MYOCOS: variants seen among roughly 807,000 people sequenced by gnomAD.
The protein encoded by MYOCOS is myocilin opposite strand, also known as myocilin opposite strand protein.
intron 1 of MYOCOS, among the ~76,000 whole-genome samples, chr1:171,605,395 A>ACACAC (rs1553253249): frequency 2.3e-3 from 269 of 114,758 alleles, no homozygotes; most frequent in Non-Finnish European, 3.3e-3. Context: ...ACACACACAC[A>ACACAC]AAAAAAAAAA....
In MYOCOS at chr1:171,615,243, T is replaced by A. The variant is rs148133616; in HGVS notation, c.-44+238T>A. On this transcript the variant is annotated intron_variant, in intron 2 of 3. Coordinates refer to the MYOCOS transcript ENST00000636697. ...AGCAGGGGACCAGATAGGCTTAATC[T>A]ATGCCAAAGATAACGGTGAGTTGGA... Among the ~76,000 whole-genome samples, 9 of 152,306 alleles carry A rather than the reference T, an allele frequency of 5.9e-5. No individual in the cohort carries two copies. The East Asian group carries it at 1.7e-3, about 29-fold the overall frequency.
At chr1:171,606,937 C>A (rs911377686) in intron 1 of MYOCOS, among the ~76,000 whole-genome samples, 1 of 151,522 alleles carries the variant, frequency 6.6e-6, no homozygotes, top group Admixed American at 6.6e-5. Context: ...ACTAAAAATA[C>A]AAAAAAATAA....
At chr1:171,626,132 G>C (rs562804894) in intron 2 of MYOCOS, among the ~76,000 whole-genome samples, 2 of 152,256 alleles carry the variant, frequency 1.3e-5, no homozygotes, top group East Asian at 3.9e-4. Context: ...ACCCAAGCTA[G>C]CGTGCAGTGG....
upstream of MYOCOS, among the ~76,000 whole-genome samples, chr1:171,621,119 AT>A (rs998923278): frequency 2.0e-5 from 3 of 152,108 alleles, no homozygotes; most frequent in African/African-American, 7.2e-5. Context: ...CCTCTCTAAA[AT>A]GTATAAAACC....
chr1:171,611,952 C>T (rs1652357979), intron 1 of MYOCOS, among the ~76,000 whole-genome samples: 1 of 152,204 alleles, frequency 6.6e-6, no homozygotes, highest in Admixed American at 6.5e-5. Context: ...ATTACAATTA[C>T]AGCTACAACT....
At chr1:171,625,220 C>T (rs1652671250) in intron 2 of MYOCOS, among the ~76,000 whole-genome samples, 1 of 152,174 alleles carries the variant, frequency 6.6e-6, no homozygotes, top group African/African-American at 2.4e-5. Flanking sequence ...GGTCCCTGTG[C>T]TCTAATGTCC....
At chr1:171,623,538 A>G (rs1652615961) in intron 1 of MYOCOS, among the ~76,000 whole-genome samples, 1 of 152,180 alleles carries the variant, frequency 6.6e-6, no homozygotes, top group East Asian at 1.9e-4. Context: ...CTGTGCCTCC[A>G]TTCCCTCAGT....
At chr1:171,602,086 A>G (rs541027587) in intron 1 of MYOCOS, among the ~76,000 whole-genome samples, 15 of 152,304 alleles carry the variant, frequency 9.8e-5, no homozygotes, top group African/African-American at 2.4e-4. Flanking sequence ...TAAAGAGAAA[A>G]AAAAGGGGGG....
chr1:171,618,675 A>C (rs1652494514), upstream of MYOCOS, among the ~76,000 whole-genome samples: 1 of 152,198 alleles, frequency 6.6e-6, no homozygotes, highest in African/African-American at 2.4e-5. Context: ...TCCTGGGTTC[A>C]AGCAATTCTC....
chr1:171,624,392 C>T (rs559051643), intron 2 of MYOCOS, among the ~76,000 whole-genome samples: 1 of 152,008 alleles, frequency 6.6e-6, no homozygotes, highest in South Asian at 2.1e-4. Flanking sequence ...ACCTCAGCCT[C>T]CCAAGTAGCT....
At chr1:171,621,374 G>GGGT (rs1652565248), upstream of MYOCOS, among the ~76,000 whole-genome samples, 1 of 115,150 alleles carries the variant, frequency 8.7e-6, no homozygotes, top group Non-Finnish European at 1.7e-5. Context: ...TCTATGGTGG[G>GGGT]TTTTTTTTTT....
At chr1:171,607,908 C>T (rs894439530) in intron 1 of MYOCOS, among the ~76,000 whole-genome samples, 4 of 152,146 alleles carry the variant, frequency 2.6e-5, no homozygotes, top group African/African-American at 4.8e-5. Flanking sequence ...TTATTGGACT[C>T]GCAGTTCCAT....
At chr1:171,609,376 G>A (rs908265284) in intron 1 of MYOCOS, among the ~76,000 whole-genome samples, 2 of 152,198 alleles carry the variant, frequency 1.3e-5, no homozygotes, top group Admixed American at 6.5e-5. Flanking sequence ...CTCTTGACAA[G>A]ATAAGCTCAA....
At chr1:171,612,679 A>T (rs1161634667) in intron 1 of MYOCOS, among the ~76,000 whole-genome samples, 1 of 151,950 alleles carries the variant, frequency 6.6e-6, no homozygotes, top group Non-Finnish European at 1.5e-5. Flanking sequence ...TACAAAAAAA[A>T]ATTAGCCGGC....
intron 1 of MYOCOS, among the ~76,000 whole-genome samples, chr1:171,613,159 T>C (rs1399351594): frequency 2.0e-5 from 3 of 152,228 alleles, no homozygotes; most frequent in African/African-American, 7.2e-5. Context: ...CCTAGATCTC[T>C]GTGGGAAATC....
chr1:171,626,148 T>C (rs577195959), intron 2 of MYOCOS, among the ~76,000 whole-genome samples: 1 of 152,172 alleles, frequency 6.6e-6, no homozygotes, highest in Admixed American at 6.5e-5. Flanking sequence ...AGTGGTGCAA[T>C]CATAGCTCAC....
intron 2 of MYOCOS, among the ~76,000 whole-genome samples, chr1:171,616,108 T>C (rs540944679): frequency 1.3e-4 from 20 of 152,050 alleles, no homozygotes; most frequent in African/African-American, 4.3e-4. Context: ...TCCCAGCTAC[T>C]TGTGAAGCTG....
intron 1 of MYOCOS, among the ~76,000 whole-genome samples, chr1:171,612,081 C>A (rs370322145): frequency 1.4e-4 from 21 of 151,756 alleles, no homozygotes; most frequent in African/African-American, 5.1e-4. Flanking sequence ...CTTTTCTTTT[C>A]TTTTCTTTGA....
chr1:171,622,396 G>A (rs912268391), intron 1 of MYOCOS, 64 bp downstream of exon 1: 1 of 152,186 alleles, frequency 6.6e-6, no homozygotes, highest in Non-Finnish European at 1.5e-5. Flanking sequence ...AAGTTCCTGA[G>A]AGAGACTGAC....
Sources: allele counts gnomAD v4.1 joint callset (sites outside exome capture counted in the v4.1 genomes callset), GRCh38; gene constraint gnomAD v4.1.1; transcripts MANE v1.5; gene names NCBI Gene and HGNC (gene_info 2026-07-23, HGNC 2026-07-21).